PAIP1: variants seen among roughly 807,000 people sequenced by gnomAD.
The protein encoded by PAIP1 is polyadenylate-binding protein-interacting protein 1.
PAIP1 carries 16 observed loss-of-function variants against 61.3 expected under a neutral mutation model. The ratio of observed to expected loss-of-function variants is 0.26; its 90% CI spans 0.18 to 0.40. PAIP1 has a LOEUF of 0.40. PAIP1 is among the 10% of genes least tolerant of loss of function. The pLI is 1.00. For synonymous variants in PAIP1, 187 were observed against 226.2 expected, an observed-to-expected ratio of 0.83 and a Z score of 1.56; for missense variants, 416 against 600.9, an observed-to-expected ratio of 0.69 and a Z score of 3.22.
At chr5:43,545,027 T>C (rs942574318) in intron 3 of PAIP1, among the ~76,000 whole-genome samples, 2 of 152,242 alleles carry the variant, frequency 1.3e-5, no homozygotes, top group African/African-American at 2.4e-5. Context: ...ATTTTATTCA[T>C]TTGCTGTGTT....
At chr5:43,527,824 A>T (rs1746766913) in intron 10 of PAIP1, among the ~76,000 whole-genome samples, 3 of 152,210 alleles carry the variant, frequency 2.0e-5, no homozygotes, top group South Asian at 2.1e-4. Flanking sequence ...TTAGAATATA[A>T]CTATTAATAG....
At chr5:43,541,798 C>T (rs976650002) in intron 4 of PAIP1, among the ~76,000 whole-genome samples, 1 of 151,018 alleles carries the variant, frequency 6.6e-6, no homozygotes, top group African/African-American at 2.4e-5. Flanking sequence ...TGAGTATTAT[C>T]TCCAAAATAT....
At chr5:43,556,448 G>C (rs1671468442) in intron 1 of PAIP1, 134 bp downstream of exon 1, 1 of 1,203,868 alleles carries the variant, frequency 8.3e-7, no homozygotes, top group African/African-American at 1.6e-5. Flanking sequence ...ACCCGGTCAC[G>C]CGGCCCTCTC....
At chr5:43,556,371 TC>T (rs1427021667) in intron 1 of PAIP1, 4 of 1,229,386 alleles carry the variant, frequency 3.3e-6, no homozygotes, top group East Asian at 3.2e-5. Context: ...ACCCGGCCCC[TC>T]CCCCCAGCCA....
chr5:43,550,837 C>CAAAAAAAAAAAAAAAAAAAAAAAAAA (rs373730839), intron 2 of PAIP1, among the ~76,000 whole-genome samples: 11 of 49,558 alleles, frequency 2.2e-4, no homozygotes, highest in East Asian at 7.2e-4. Flanking sequence ...AAATATACTA[C>CAAAAAAAAAAAAAAAAAAAAAAAAAA]AAAAAAAAAA....
At chr5:43,547,069 A>AAAAAC (rs1747666773) in intron 3 of PAIP1, among the ~76,000 whole-genome samples, 1 of 149,054 alleles carries the variant, frequency 6.7e-6, no homozygotes. Context: ...AAAAAAAAAA[A>AAAAAC]GCGTTAATAT....
At chr5:43,538,893 G>T in intron 5 of PAIP1, 31 bp downstream of exon 5, 1 of 1,092,006 alleles carries the variant, frequency 9.2e-7, no homozygotes, top group Non-Finnish European at 1.4e-6. Context: ...CTCAGGCCTT[G>T]TTAGTACTTA....
At chr5:43,539,159 C>T in intron 4 of PAIP1, 124 bp from the exon 5 acceptor site, 1 of 635,178 alleles carries the variant, frequency 1.6e-6, no homozygotes. Flanking sequence ...AATGCTCTTT[C>T]TACAATAAAG....
At chr5:43,529,409 CT>C (rs143733758) in intron 10 of PAIP1, among the ~76,000 whole-genome samples, 196 of 144,202 alleles carry the variant, frequency 1.4e-3, no homozygotes, top group East Asian at 7.7e-3. Flanking sequence ...ATCAAAATGC[CT>C]TTTTTTTTTT....
At chr5:43,534,753 A>G in intron 8 of PAIP1, 100 bp downstream of exon 8, 1 of 713,454 alleles carries the variant, frequency 1.4e-6, no homozygotes. Context: ...GAAGACAGTT[A>G]TTAGGCACTG....
At chr5:43,535,171 T>C (rs192900845) in intron 7 of PAIP1, among the ~76,000 whole-genome samples, 26 of 152,374 alleles carry the variant, frequency 1.7e-4, no homozygotes, top group Admixed American at 3.3e-4. Flanking sequence ...TATGACTATA[T>C]GGACCTTAAA....
intron 5 of PAIP1, 55 bp downstream of exon 5, chr5:43,538,869 G>T: frequency 1.2e-6 from 1 of 857,842 alleles, no homozygotes; most frequent in Non-Finnish European, 2.0e-6. Context: ...TCCTCATTGA[G>T]ATCAACTTAT....
intron 9 of PAIP1, among the ~76,000 whole-genome samples, chr5:43,533,121 C>G (rs1045354193): frequency 1.3e-5 from 2 of 152,190 alleles, no homozygotes; most frequent in African/African-American, 4.8e-5. Flanking sequence ...AGACACAGGA[C>G]AGTCAATGCT....
chr5:43,543,024 G>C lies in PAIP1; in HGVS notation c.714C>G (p.Phe238Leu). 1 of 1,580,698 alleles carries C rather than the reference G, an allele frequency of 6.3e-7. No homozygotes were observed. Among genetic ancestry groups the C allele is most frequent in the Non-Finnish European group, 8.7e-7 (1 of 1,149,998 alleles). The change falls in exon 4 of 11, where the codon TTC becomes TTG. Residue 238 changes from phenylalanine to leucine, a missense_variant. Around this residue, in one of 4 missense-constraint regions of PAIP1, gnomAD observed 180 missense variants for 211.2 expected, o/e 0.85. Coordinates refer to ENST00000306846, the MANE Select transcript of PAIP1 (RefSeq NM_006451.5). Reference sequence around the variant, plus strand: ...CTGACCTTTGAAGTAGCAATTGGCGGAAGTTGCCACTCTGTGGGCTAATTG... The same window carrying C: ...CTGACCTTTGAAGTAGCAATTGGCGCAAGTTGCCACTCTGTGGGCTAATTG... The part of the protein sequence containing the change: ...HLTISPQSGN[F>L]RQLLLQRCRT...
Position 43,526,791 on chromosome 5 carries a change from A to C in PAIP1, c.*585T>G, listed in dbSNP as rs968554335. The C allele has an allele frequency of 6.6e-6, 1 of 152,128 alleles. No individual in the cohort carries two copies. The highest frequency in any genetic ancestry group is 1.5e-5 in the Non-Finnish European group (1 of 67,980). The allele number at this position is 152,128 out of a possible 1,614,324, so 9.4% of individuals were successfully genotyped here. The stretch of plus-strand genomic sequence containing the variant: ...GTGAAGTCTTGGTTGTTTAGCTGGG[A>C]GTTCACCAAGTTGGGTTTTTCCCCC... On this transcript the variant is annotated 3_prime_UTR_variant, in exon 11 of 11. Coordinates refer to ENST00000306846, the MANE Select transcript of PAIP1 (RefSeq NM_006451.5).
intron 2 of PAIP1, 52 bp from the exon 3 acceptor site, chr5:43,547,965 A>G (rs750084120): frequency 3.4e-6 from 4 of 1,177,354 alleles, no homozygotes; most frequent in Non-Finnish European, 4.9e-6. Flanking sequence ...TGGCTAAAAC[A>G]CACAAGGTGG....
At chr5:43,549,751 GCT>G (rs10573095) in intron 2 of PAIP1, among the ~76,000 whole-genome samples, 10,735 of 151,646 alleles carry the variant, frequency 0.071, 627 homozygotes, top group African/African-American at 0.16. Flanking sequence ...ATGGAGTCTC[GCT>G]CTGTCACCCA....
intron 2 of PAIP1, among the ~76,000 whole-genome samples, chr5:43,555,067 G>A (rs1363652098): frequency 6.6e-6 from 1 of 152,128 alleles, no homozygotes; most frequent in Non-Finnish European, 1.5e-5. Flanking sequence ...TTGAACACAG[G>A]CAAAACTATC....
intron 5 of PAIP1, 146 bp from the exon 6 acceptor site, chr5:43,537,090 T>A (rs1300560201): frequency 2.0e-6 from 1 of 512,544 alleles, no homozygotes; most frequent in African/African-American, 2.0e-5. Flanking sequence ...TCACAGAATT[T>A]GTTAGAATTA....
Sources: allele counts gnomAD v4.1 joint callset (sites outside exome capture counted in the v4.1 genomes callset), GRCh38; gene constraint gnomAD v4.1.1; regional missense constraint gnomAD v4.1.1; transcripts MANE v1.5; gene names NCBI Gene and HGNC (gene_info 2026-07-23, HGNC 2026-07-21).